Variants in CENPC observed in about 807,000 individuals in gnomAD.
CENPC encodes the protein CENP-C 1.
In CENPC, 63 loss-of-function variants were observed where a neutral mutation model predicts 112.1. The ratio of observed to expected loss-of-function variants is 0.56; its 90% CI spans 0.46 to 0.69. The LOEUF is 0.69. Among genes scored for constraint, CENPC ranks in the 30% least tolerant of loss-of-function variants. The pLI is 0.00. For missense variants in CENPC, 1,000 were observed against 1,103.8 expected (o/e 0.91, Z 1.33); for synonymous variants, 333 against 367.6 (o/e 0.91, Z 1.08).
rs1560414541 is a variant in CENPC at position 67,470,857 on chromosome 4, A to G, written c.*1748T>C. 3.3e-5 allele frequency: 5 copies of G among 152,256 alleles called. No individual in the cohort carries two copies. The highest frequency in any genetic ancestry group is 2.6e-4 in the Admixed American group (4 of 15,284). The allele number at this position is 152,256 out of a possible 1,614,324, so 9.4% of individuals were successfully genotyped here. A position where few individuals can be genotyped will look rare whatever the true frequency, so the allele number is the denominator to read the frequency against. The stretch of plus-strand genomic sequence containing the variant: ...TGGACAAGGAGTATCTGTAGTTGCT[A>G]ACCAAAGGTTACAGTCCTAGTTCTT... On this transcript the variant is annotated 3_prime_UTR_variant, in exon 19 of 19. Transcript: ENST00000273853.
chr4:67,525,942 C>G (rs1222209910), intron 5 of CENPC, among the ~76,000 whole-genome samples: 1 of 152,164 alleles, frequency 6.6e-6, no homozygotes, highest in Non-Finnish European at 1.5e-5. Context: ...CAATGATAGA[C>G]TGGATAAAGA....
At position 67,509,928 on chromosome 4, in the gene CENPC, C is replaced by T. The variant is rs150867475; in HGVS notation, c.1613-823G>A. ...TCAGGATGAAGTCCAAATACTTCAA[C>T]ATCAATTCATATCTACATCTAGATT... On this transcript the variant is annotated intron_variant, in intron 9 of 18. Transcript: ENST00000273853. 1.4e-3 allele frequency among the ~76,000 whole-genome samples: 214 copies of T among 152,234 alleles called. 3 individuals are homozygous for T. The highest frequency in any genetic ancestry group is 4.7e-3 in the African/African-American group (196 of 41,544).
chr4:67,496,013 G>T (rs968074552), intron 12 of CENPC, among the ~76,000 whole-genome samples: 9 of 152,254 alleles, frequency 5.9e-5, no homozygotes, highest in African/African-American at 2.2e-4. Flanking sequence ...ATGTTCTGGG[G>T]CTTAAAAGGC....
At chr4:67,544,953 T>C (rs1726986542) in intron 1 of CENPC, among the ~76,000 whole-genome samples, 1 of 151,932 alleles carries the variant, frequency 6.6e-6, no homozygotes, top group Non-Finnish European at 1.5e-5. Flanking sequence ...AGAAAAGTTA[T>C]TTGGAGGCCT....
At chr4:67,488,058 TA>T (rs1411180937) in intron 17 of CENPC, among the ~76,000 whole-genome samples, 1 of 151,728 alleles carries the variant, frequency 6.6e-6, no homozygotes, top group Non-Finnish European at 1.5e-5. Flanking sequence ...TAAAATCAAC[TA>T]AAATAACTAC....
In CENPC at chr4:67,545,079, T is replaced by C. The variant is rs147544184; in HGVS notation, c.18+259A>G. On this transcript the variant is annotated intron_variant, in intron 1 of 18. Transcript: ENST00000273853. ...AAAACAAAAAAAAACCCAGCAGAAA[T>C]CACAAGCACCTCTCAAGAGTAAGAC... 4.0e-4 allele frequency among the ~76,000 whole-genome samples: 61 copies of C among 151,628 alleles called. No individual in the cohort carries two copies. The East Asian group carries it at 0.011, about 28-fold the overall frequency.
At chr4:67,513,926 A>G (rs1235513723) in intron 8 of CENPC, 148 bp downstream of exon 8, 10 of 591,140 alleles carry the variant, frequency 1.7e-5, no homozygotes, top group Non-Finnish European at 2.4e-5. Flanking sequence ...ATATAAAATA[A>G]AAAGGTTCTA....
intron 17 of CENPC, among the ~76,000 whole-genome samples, chr4:67,478,664 A>ACACC (rs1553891797): frequency 2.0e-5 from 1 of 50,598 alleles, no homozygotes; most frequent in Non-Finnish European, 5.4e-5. Flanking sequence ...ACACACACAC[A>ACACC]CACCCAAAGT....
intron 12 of CENPC, among the ~76,000 whole-genome samples, chr4:67,501,889 T>A (rs187453041): frequency 9.9e-5 from 15 of 152,154 alleles, no homozygotes; most frequent in Admixed American, 9.2e-4. Context: ...GAAATCTTGA[T>A]GAAGGGGATA....
intron 16 of CENPC, among the ~76,000 whole-genome samples, chr4:67,491,494 G>T (rs1175344485): frequency 3.0e-4 from 37 of 121,552 alleles, no homozygotes; most frequent in Middle Eastern, 4.1e-3. Context: ...GAGAGAGAGA[G>T]AGAGAGAGAG....
At position 67,472,592 on chromosome 4, in the gene CENPC, G is replaced by T. The variant is rs11544339; in HGVS notation, c.*13C>A. ...ACATATATACATACATATATTTAAG[G>T]TTGGTTGATCTTTCATCTTTTTATC... is the stretch of plus-strand genomic sequence containing the variant. On this transcript the variant is annotated 3_prime_UTR_variant, in exon 19 of 19. Transcript: ENST00000273853. 7 of 1,476,788 alleles carry T rather than the reference G, an allele frequency of 4.7e-6. No individual in the cohort carries two copies. The highest frequency in any genetic ancestry group is 6.3e-6 in the Non-Finnish European group (7 of 1,119,738). The allele number at this position is 1,476,788 out of a possible 1,614,324, so 91.5% of individuals were successfully genotyped here.
At chr4:67,492,128 T>C (rs1239617038) in intron 16 of CENPC, 52 bp downstream of exon 16, 11 of 1,209,206 alleles carry the variant, frequency 9.1e-6, no homozygotes, top group Non-Finnish European at 1.3e-5. Context: ...GCAAGCAATA[T>C]TTTCTTACAA....
chr4:67,525,610 A>G (rs966798146), intron 5 of CENPC, among the ~76,000 whole-genome samples: 3 of 152,228 alleles, frequency 2.0e-5, no homozygotes, highest in African/African-American at 7.2e-5. Flanking sequence ...GCAAATCAAA[A>G]CCACAATGAG....
chr4:67,493,287 G>T, intron 14 of CENPC: 1 of 193,072 alleles, frequency 5.2e-6, no homozygotes, highest in South Asian at 1.3e-4. Context: ...AAAGGAGGGG[G>T]CTAGCAATGA....
rs752910021 is a variant in CENPC at position 67,493,931 on chromosome 4, A to G, written c.2243T>C (p.Leu748Ser). 6.2e-7 allele frequency: 1 copy of G among 1,613,110 alleles called. No homozygotes were observed. Among genetic ancestry groups the G allele is most frequent in the Non-Finnish European group, 8.5e-7 (1 of 1,179,514 alleles). ...RRTKRTRLKP[L>S]EYWRGERIDY... ...TATTCGCTCTCCTCGCCAGTACTCC[A>G]AAGGTTTCAAACGTGTTCTCTTGGT... Residue 748 changes from leucine (L) to serine (S), a missense_variant, in exon 14 of 19, where the codon TTG becomes TCG. Transcript: ENST00000273853.
intron 4 of CENPC, among the ~76,000 whole-genome samples, chr4:67,538,867 A>G (rs1287274910): frequency 6.6e-6 from 1 of 152,200 alleles, no homozygotes; most frequent in Non-Finnish European, 1.5e-5. Context: ...GCCACAGACT[A>G]TATTTTGCTA....
At position 67,493,997 on chromosome 4, in the gene CENPC, A is replaced by G; in HGVS notation, c.2186-9T>C. ...TGTGTTGGAGGGCAATACTATAAAAAGATGTCAGACAAAAGTGTATACATA... is the reference window on the plus strand; with the variant it reads ...TGTGTTGGAGGGCAATACTATAAAAGGATGTCAGACAAAAGTGTATACATA... On this transcript the variant is annotated splice_polypyrimidine_tract_variant and intron_variant, in intron 13 of 18. Coordinates refer to ENST00000273853, the MANE Select transcript of CENPC (RefSeq NM_001812.4). The G allele has an allele frequency of 6.3e-7, 1 of 1,586,446 alleles. No individual in the cohort carries two copies. Among genetic ancestry groups the G allele is most frequent in the Non-Finnish European group, 8.6e-7 (1 of 1,160,464 alleles).
At chr4:67,524,907 C>T (rs1282792707) in intron 5 of CENPC, among the ~76,000 whole-genome samples, 1 of 152,192 alleles carries the variant, frequency 6.6e-6, no homozygotes, top group Non-Finnish European at 1.5e-5. Flanking sequence ...GAAGGCATCA[C>T]ACTACCTGGC....
chr4:67,536,916 G>A (rs1459175161), intron 4 of CENPC, among the ~76,000 whole-genome samples: 2 of 151,406 alleles, frequency 1.3e-5, no homozygotes, highest in South Asian at 4.2e-4. Flanking sequence ...AGGCACAGTG[G>A]CATGTGACTT....
Sources: gnomAD v4.1 joint callset for allele counts (sites outside exome capture counted in the v4.1 genomes callset) on GRCh38, gnomAD v4.1.1 for gene constraint, MANE v1.5 for transcripts, NCBI Gene and HGNC (gene_info 2026-07-23, HGNC 2026-07-21) for gene names.